SLC38A1: variants seen among roughly 807,000 people sequenced by gnomAD.
SLC38A1 encodes sodium-coupled neutral amino acid symporter 1.
SLC38A1 carries 18 observed loss-of-function variants against 60.3 expected under a neutral mutation model. The ratio of observed to expected loss-of-function variants is 0.30; its 90% confidence interval spans 0.21 to 0.44. The LOEUF (loss-of-function observed/expected upper bound fraction) is 0.44. Ranked by LOEUF, SLC38A1 falls within the 20% of genes least tolerant of loss-of-function variation. SLC38A1 has a pLI of 1.00. For synonymous variants in SLC38A1, 196 were observed against 212.1 expected (o/e 0.92, Z 0.66); for missense variants, 448 against 587.2 (o/e 0.76, Z 2.45).
intron 1 of SLC38A1, chr12:46,267,281 G>T (rs1305237919): frequency 6.6e-6 from 1 of 152,196 alleles, no homozygotes; most frequent in East Asian, 1.9e-4. Flanking sequence ...CCGCGGATTC[G>T]TCCGAGAAAG....
intron 3 of SLC38A1, among the ~76,000 whole-genome samples, chr12:46,234,438 C>T (rs1458811844): frequency 2.1e-5 from 3 of 141,806 alleles, no homozygotes; most frequent in Non-Finnish European, 3.0e-5. Context: ...TTCTTTTTTT[C>T]TTTCTTTCTT....
At chr12:46,196,245 G>A in intron 16 of SLC38A1, 2 of 1,536,076 alleles carry the variant, frequency 1.3e-6, no homozygotes, top group Non-Finnish European at 1.7e-6. Context: ...GAGCCAACAG[G>A]GCTGGACTGG....
At chr12:46,226,462 T>A (rs939848492) in intron 5 of SLC38A1, among the ~76,000 whole-genome samples, 2 of 151,332 alleles carry the variant, frequency 1.3e-5, no homozygotes, top group African/African-American at 4.9e-5. Flanking sequence ...TGAGGACATA[T>A]CCCAAAAATT....
At position 46,217,382 on chromosome 12, in the gene SLC38A1, G is replaced by A. The variant is rs191881713; in HGVS notation, c.315-8255C>T. On this transcript the variant is annotated intron_variant, in intron 5 of 16. Coordinates refer to ENST00000398637, the MANE Select transcript of SLC38A1 (RefSeq NM_030674.4). ...CAAAAATCTTAGAATGAAATACATT[G>A]AAATGTTAATGGAGCTTGTCTAAGG... Among the ~76,000 whole-genome samples the A allele has an allele frequency of 2.3e-3, 352 of 152,310 alleles. 1 individual carries two copies. The highest frequency in any genetic ancestry group is 4.6e-3 in the South Asian group (22 of 4,828).
At position 46,184,318 on chromosome 12, in the gene SLC38A1, C is replaced by T. The variant is rs899638393; in HGVS notation, c.*4652G>A. 6.6e-6 allele frequency: 1 copy of T among 152,140 alleles called. No individual in the cohort carries two copies. Among genetic ancestry groups the T allele is most frequent in the Admixed American group, 6.6e-5 (1 of 15,260 alleles). The allele number at this position is 152,140 out of a possible 1,614,324, so 9.4% of individuals were successfully genotyped here. ...GTCCTGTTGCTAAAGGATTCTCAAA[C>T]CTGCCATCCCCAAGGAAAATCATGT... On this transcript the variant is annotated 3_prime_UTR_variant, in exon 17 of 17. Transcript: ENST00000398637.
chr12:46,199,307 TTGTGTGTGTGTGTGTGTGTGTGTG>T lies in SLC38A1; in HGVS notation c.1004-588_1004-565del, dbSNP rs71067986. Among the ~76,000 whole-genome samples, 74 of 125,324 alleles carry T rather than the reference TTGTGTGTGTGTGTGTGTGTGTGTG, an allele frequency of 5.9e-4. 1 individual carries two copies. Among genetic ancestry groups the T allele is most frequent in the South Asian group, 1.7e-3 (6 of 3,552 alleles). The allele number at this position is 125,324 out of a possible 152,430, so 82.2% of individuals were successfully genotyped here. ...AAAAAAAATTAGTTTATGTACTACTTTGTGTGTGTGTGTGTGTGTGTGTGTGTGTGTGTGTGTGTGTGTGTGTGT... is the reference window on the plus strand; with the variant it reads ...AAAAAAAATTAGTTTATGTACTACTTTGTGTGTGTGTGTGTGTGTGTGTGT... On this transcript the variant is annotated intron_variant, in intron 13 of 16. Transcript: ENST00000398637.
chr12:46,215,802 AC>A (rs953271477), intron 5 of SLC38A1, among the ~76,000 whole-genome samples: 5 of 152,174 alleles, frequency 3.3e-5, no homozygotes, highest in African/African-American at 9.7e-5. Flanking sequence ...GAAGTATAAA[AC>A]TTTTACTATC....
Position 46,195,893 on chromosome 12 carries a change from A to G in SLC38A1, c.1362+1827T>C. ...TTGGCTGGGAAAGGTAAATCCCCTG[A>G]CCCCTTGTGCTTCCTGGGTGAGGTG... On this transcript the variant is annotated intron_variant, in intron 16 of 16. Transcript: ENST00000398637. 2 of 372,884 alleles carry G rather than the reference A, an allele frequency of 5.4e-6. 1 individual carries two copies. Among genetic ancestry groups the G allele is most frequent in the South Asian group, 4.8e-5 (2 of 41,602 alleles). The allele number at this position is 372,884 out of a possible 1,614,324, so 23.1% of individuals were successfully genotyped here.
intron 1 of SLC38A1, among the ~76,000 whole-genome samples, chr12:46,248,178 C>T (rs1254370326): frequency 3.9e-5 from 6 of 152,280 alleles, no homozygotes; most frequent in African/African-American, 1.4e-4. Context: ...CAAACTCACA[C>T]ATAACAATAT....
chr12:46,251,344 T>A (rs758653861), intron 1 of SLC38A1, among the ~76,000 whole-genome samples: 1 of 152,104 alleles, frequency 6.6e-6, no homozygotes, highest in Non-Finnish European at 1.5e-5. Context: ...AAAAATTAAT[T>A]CAAGATGGAT....
At chr12:46,258,075 T>C (rs1942087926) in intron 1 of SLC38A1, among the ~76,000 whole-genome samples, 1 of 152,252 alleles carries the variant, frequency 6.6e-6, no homozygotes, top group African/African-American at 2.4e-5. Context: ...ATGGCATTTG[T>C]AAGCTGTCAT....
At chr12:46,247,792 C>G (rs1156839487) in intron 1 of SLC38A1, among the ~76,000 whole-genome samples, 1 of 152,158 alleles carries the variant, frequency 6.6e-6, no homozygotes, top group Non-Finnish European at 1.5e-5. Flanking sequence ...AGAGAAAGGT[C>G]GGGTTACCCA....
At chr12:46,255,061 T>C (rs1047998717) in intron 1 of SLC38A1, 39 of 152,386 alleles carry the variant, frequency 2.6e-4, no homozygotes, top group African/African-American at 8.9e-4. Flanking sequence ...TTCACCTCTC[T>C]GTGAGAGTTC....
intron 5 of SLC38A1, among the ~76,000 whole-genome samples, chr12:46,209,725 G>C (rs7959450): frequency 0.29 from 44,440 of 152,058 alleles, 11,180 homozygotes; most frequent in African/African-American, 0.69. Context: ...GCACCACTTG[G>C]TAACCAGTGG....
intron 11 of SLC38A1, 118 bp from the exon 12 acceptor site, chr12:46,203,207 C>A (rs375339493): frequency 2.4e-6 from 2 of 831,132 alleles, no homozygotes; most frequent in South Asian, 1.8e-5. Flanking sequence ...CTGGATTATT[C>A]GGTTATTAGG....
At chr12:46,242,310 G>A (rs950850929) in intron 2 of SLC38A1, among the ~76,000 whole-genome samples, 13 of 152,044 alleles carry the variant, frequency 8.6e-5, no homozygotes, top group African/African-American at 3.1e-4. Flanking sequence ...TATCACCAAG[G>A]CCACACTTGC....
chr12:46,189,802 T>A (rs1939068458), intron 16 of SLC38A1, among the ~76,000 whole-genome samples: 1 of 152,158 alleles, frequency 6.6e-6, no homozygotes, highest in African/African-American at 2.4e-5. Context: ...ACCCTGCACA[T>A]GCGCTCTGCC....
At chr12:46,209,251 G>A (rs1940042407) in intron 5 of SLC38A1, 124 bp from the exon 6 acceptor site, 2 of 592,950 alleles carry the variant, frequency 3.4e-6, no homozygotes, top group Admixed American at 3.6e-5. Context: ...TCCAAATTTT[G>A]GAACCTATTA....
intron 16 of SLC38A1, among the ~76,000 whole-genome samples, chr12:46,190,102 G>C (rs961310125): frequency 6.6e-6 from 1 of 151,960 alleles, no homozygotes; most frequent in Non-Finnish European, 1.5e-5. Context: ...CCCACCCCAC[G>C]ACAGGCCCTG....
Sources: allele counts gnomAD v4.1 joint callset (sites outside exome capture counted in the v4.1 genomes callset), GRCh38; gene constraint gnomAD v4.1.1; transcripts MANE v1.5; gene names NCBI Gene and HGNC (gene_info 2026-07-23, HGNC 2026-07-21).